The following CADM2 variants were observed in gnomAD, a reference collection of about 807,000 sequenced individuals.
CADM2 encodes immunoglobulin superfamily member 4D.
A neutral mutation model predicts 49.8 loss-of-function variants in CADM2; 12 were observed. That is an observed-to-expected ratio of 0.24 (90% CI 0.15 to 0.39). CADM2 has a LOEUF of 0.39. Ranked by LOEUF, CADM2 falls within the 10% of genes least tolerant of loss-of-function variation. CADM2 has a pLI of 1.00. For missense variants in CADM2, 378 were observed against 492.3 expected, an observed-to-expected ratio of 0.77 and a Z score of 2.20; for synonymous variants, 214 against 175.4, an observed-to-expected ratio of 1.22 and a Z score of -1.74.
At chr3:85,505,245 A>G (rs1448201287) in intron 1 of CADM2, among the ~76,000 whole-genome samples, 1 of 152,202 alleles carries the variant, frequency 6.6e-6, no homozygotes, top group Non-Finnish European at 1.5e-5. Context: ...TCTCAATATC[A>G]CAAGTGTAAG....
intron 1 of CADM2, among the ~76,000 whole-genome samples, chr3:85,617,876 A>G (rs1018911561): frequency 1.1e-4 from 17 of 152,240 alleles, no homozygotes; most frequent in Non-Finnish European, 1.5e-5. Context: ...CTAAAACCAG[A>G]AACATTGAAA....
intron 1 of CADM2, among the ~76,000 whole-genome samples, chr3:85,326,324 A>G (rs1303057876): frequency 6.6e-6 from 1 of 152,202 alleles, no homozygotes; most frequent in Non-Finnish European, 1.5e-5. Flanking sequence ...TGGTAATTCT[A>G]CATCTGTTTT....
At chr3:85,535,793 A>G (rs1335645544) in intron 1 of CADM2, among the ~76,000 whole-genome samples, 1 of 152,108 alleles carries the variant, frequency 6.6e-6, no homozygotes, top group African/African-American at 2.4e-5. Flanking sequence ...GCGAGAATTT[A>G]TTCCTGGAAG....
At chr3:85,541,717 AT>A (rs762571304) in intron 1 of CADM2, among the ~76,000 whole-genome samples, 11 of 135,534 alleles carry the variant, frequency 8.1e-5, no homozygotes, top group East Asian at 6.3e-4. Context: ...TATATTTTAT[AT>A]TATATATATA....
At chr3:85,946,245 G>T (rs2108571741) in intron 7 of CADM2, among the ~76,000 whole-genome samples, 1 of 151,668 alleles carries the variant, frequency 6.6e-6, no homozygotes, top group East Asian at 2.0e-4. Flanking sequence ...CCTCTTCAAG[G>T]AGAACTACAA....
At chr3:85,390,703 T>C (rs568836871) in intron 1 of CADM2, among the ~76,000 whole-genome samples, 1 of 152,010 alleles carries the variant, frequency 6.6e-6, no homozygotes, top group Non-Finnish European at 1.5e-5. Context: ...TGCATTTCAG[T>C]TCATAGCCAA....
At chr3:85,335,758 G>T (rs2045064091) in intron 1 of CADM2, among the ~76,000 whole-genome samples, 1 of 151,330 alleles carries the variant, frequency 6.6e-6, no homozygotes, top group Non-Finnish European at 1.5e-5. Flanking sequence ...TATAATTTCT[G>T]CCAAGATGTA....
At chr3:86,020,065 A>T (rs1411547778) in intron 8 of CADM2, among the ~76,000 whole-genome samples, 1 of 152,186 alleles carries the variant, frequency 6.6e-6, no homozygotes, top group African/African-American at 2.4e-5. Flanking sequence ...TTTTGAAAGG[A>T]TCAACAAAAT....
chr3:85,660,978 G>C (rs9820262), intron 1 of CADM2, among the ~76,000 whole-genome samples: 119,413 of 151,522 alleles, frequency 0.79, 47,846 homozygotes, highest in African/African-American at 0.94. Context: ...ACTGAGCAAA[G>C]ACCACTTTCA....
chr3:85,722,598 A>G (rs144026462), intron 1 of CADM2, among the ~76,000 whole-genome samples: 1 of 152,214 alleles, frequency 6.6e-6, no homozygotes, highest in African/African-American at 2.4e-5. Context: ...ATAACTTTCT[A>G]ACAAACACTT....
At chr3:85,287,989 C>G (rs894786091) in intron 1 of CADM2, among the ~76,000 whole-genome samples, 19 of 151,534 alleles carry the variant, frequency 1.3e-4, no homozygotes, top group Admixed American at 1.2e-3. Flanking sequence ...GGAGATATAC[C>G]TAATGTAAAT....
chr3:85,141,429 G>C (rs1334258063), intron 1 of CADM2, among the ~76,000 whole-genome samples: 1 of 152,148 alleles, frequency 6.6e-6, no homozygotes, highest in African/African-American at 2.4e-5. Flanking sequence ...CGTTTATTCT[G>C]TAGGAGATAT....
chr3:85,901,330 G>C (rs1716092573), intron 5 of CADM2, among the ~76,000 whole-genome samples: 1 of 152,120 alleles, frequency 6.6e-6, no homozygotes. Flanking sequence ...CATTTGTGTT[G>C]GTAATGGGAA....
chr3:85,720,107 G>T (rs1230059263), intron 1 of CADM2, among the ~76,000 whole-genome samples: 2 of 152,016 alleles, frequency 1.3e-5, no homozygotes, highest in African/African-American at 4.8e-5. Flanking sequence ...TCCTCTAACT[G>T]GTATTTTCTG....
At chr3:85,449,677 TTAAAG>T (rs2037662509) in intron 1 of CADM2, among the ~76,000 whole-genome samples, 1 of 152,104 alleles carries the variant, frequency 6.6e-6, no homozygotes, top group South Asian at 2.1e-4. Context: ...CATGTTTACA[TTAAAG>T]TAAATGTGGA....
At chr3:86,041,055 C>A (rs2107239752) in intron 8 of CADM2, among the ~76,000 whole-genome samples, 1 of 152,264 alleles carries the variant, frequency 6.6e-6, no homozygotes, top group South Asian at 2.1e-4. Context: ...ACCACCAGGC[C>A]TGCCCTAAAA....
At chr3:85,655,214 G>A (rs1032790366) in intron 1 of CADM2, among the ~76,000 whole-genome samples, 1 of 151,686 alleles carries the variant, frequency 6.6e-6, no homozygotes, top group Non-Finnish European at 1.5e-5. Context: ...GAGTGCAGTG[G>A]TGTGATCTCA....
At chr3:85,373,758 T>G (rs549163347) in intron 1 of CADM2, among the ~76,000 whole-genome samples, 1 of 152,290 alleles carries the variant, frequency 6.6e-6, no homozygotes, top group South Asian at 2.1e-4. Flanking sequence ...CAACACCAAA[T>G]GTAAGCTGCC....
chr3:86,042,105 A>G (rs1266194525), intron 8 of CADM2, among the ~76,000 whole-genome samples: 1 of 152,214 alleles, frequency 6.6e-6, no homozygotes, highest in Non-Finnish European at 1.5e-5. Flanking sequence ...TTATAGCACT[A>G]AATGCCCACA....
Sources: allele counts gnomAD v4.1 joint callset (sites outside exome capture counted in the v4.1 genomes callset), GRCh38; gene constraint gnomAD v4.1.1; transcripts MANE v1.5; gene names NCBI Gene and HGNC (gene_info 2026-07-23, HGNC 2026-07-21).